Variants in TRPM2 observed in about 807,000 individuals in gnomAD.
TRPM2 encodes transient receptor potential cation channel subfamily M member 2.
A neutral mutation model predicts 174.0 loss-of-function variants in TRPM2; 161 were observed. The observed-to-expected ratio is 0.93, with a 90% confidence interval of 0.81 to 1.05. The LOEUF is 1.05. Among genes scored for constraint, TRPM2 ranks in the 50% least tolerant of loss-of-function variants. The probability of loss-of-function intolerance (pLI) is 0.00; values close to 1 mark genes in which losing one functional copy is unlikely to be tolerated. For missense variants in TRPM2, 2,057 were observed against 2,038.0 expected (o/e 1.01, Z -0.18); for synonymous variants, 954 against 861.3 (o/e 1.11, Z -1.88).
In TRPM2 at chr21:44,394,811, G is replaced by C. The variant is rs1229809210; in HGVS notation, c.1795-603G>C. ...CAGGAAATTTCTAGGATCACTTGAG[G>C]TGTGTTTTGTACAGTATGTGATGTG... On this transcript the variant is annotated intron_variant, in intron 11 of 31. Coordinates refer to ENST00000397928, the MANE Select transcript of TRPM2 (RefSeq NM_003307.4). 4.6e-5 allele frequency among the ~76,000 whole-genome samples: 7 copies of C among 152,304 alleles called. No homozygotes were observed. The East Asian group carries it at 1.3e-3, about 29-fold the overall frequency.
chr21:44,405,539 G>A (rs909804918), intron 17 of TRPM2, among the ~76,000 whole-genome samples: 4 of 152,074 alleles, frequency 2.6e-5, no homozygotes, highest in African/African-American at 7.2e-5. Flanking sequence ...CCAGCTCCAC[G>A]GACACGCGGC....
intron 2 of TRPM2, among the ~76,000 whole-genome samples, chr21:44,360,309 G>A (rs546759144): frequency 1.3e-5 from 2 of 152,196 alleles, no homozygotes; most frequent in African/African-American, 2.4e-5. Context: ...CTGGCGACTC[G>A]GGCAGCTCCT....
intron 19 of TRPM2, among the ~76,000 whole-genome samples, chr21:44,407,450 GTTTTTT>G (rs71197896): frequency 1.2e-5 from 1 of 85,846 alleles, no homozygotes; most frequent in Non-Finnish European, 2.1e-5. Context: ...CATATAGAAG[GTTTTTT>G]TTTTTTTTTT....
chr21:44,413,000 G>A (rs531798575), intron 19 of TRPM2, among the ~76,000 whole-genome samples: 4 of 152,004 alleles, frequency 2.6e-5, no homozygotes, highest in South Asian at 4.1e-4. Context: ...TTCACCTCCC[G>A]GAGTTAACTA....
intron 9 of TRPM2, among the ~76,000 whole-genome samples, chr21:44,386,541 G>C (rs2049021765): frequency 6.6e-6 from 1 of 152,048 alleles, no homozygotes; most frequent in African/African-American, 2.4e-5. Flanking sequence ...AAACCAAGGG[G>C]GTGAAAGACT....
At chr21:44,363,732 A>G (rs2048279974) in intron 2 of TRPM2, among the ~76,000 whole-genome samples, 1 of 152,012 alleles carries the variant, frequency 6.6e-6, no homozygotes, top group African/African-American at 2.4e-5. Context: ...AAAACTAGTG[A>G]TGTTTGATTG....
intron 19 of TRPM2, among the ~76,000 whole-genome samples, chr21:44,413,494 T>C (rs2050174078): frequency 6.6e-6 from 1 of 152,168 alleles, no homozygotes; most frequent in African/African-American, 2.4e-5. Context: ...CCGCCCGCCT[T>C]GGCCTCCCAA....
chr21:44,442,270 G>A lies in TRPM2; in HGVS notation c.*453G>A, dbSNP rs562248521. On this transcript the variant is annotated 3_prime_UTR_variant, in exon 32 of 32. Coordinates refer to ENST00000397928, the MANE Select transcript of TRPM2 (RefSeq NM_003307.4). Reference sequence around the variant, plus strand: ...GAAGGGGCCCTGCCACTCTCCCCAAGAGGGCCTCCATGTTTCGAGGTGCCT... The same window carrying A: ...GAAGGGGCCCTGCCACTCTCCCCAAAAGGGCCTCCATGTTTCGAGGTGCCT... 44 of 155,264 alleles carry A rather than the reference G, an allele frequency of 2.8e-4. No homozygotes were observed. The highest frequency in any genetic ancestry group is 5.7e-4 in the Non-Finnish European group (40 of 70,184). 9.6% of individuals were successfully genotyped at this position (155,264 alleles called of 1,614,324 possible). A position where few individuals can be genotyped will look rare whatever the true frequency, so the allele number is the denominator to read the frequency against.
chr21:44,429,954 G>C (rs1166192268), intron 27 of TRPM2, among the ~76,000 whole-genome samples: 1 of 152,144 alleles, frequency 6.6e-6, no homozygotes, highest in Admixed American at 6.5e-5. Flanking sequence ...GATTAGGAAT[G>C]TTTCTATCTA....
chr21:44,386,452 A>G (rs919042101), intron 9 of TRPM2, among the ~76,000 whole-genome samples: 12 of 152,208 alleles, frequency 7.9e-5, no homozygotes, highest in African/African-American at 2.9e-4. Context: ...ACTAAAAATG[A>G]ATAATCAGAA....
At chr21:44,413,787 G>A (rs1033956270) in intron 19 of TRPM2, 104 bp from the exon 20 acceptor site, 83 of 1,346,592 alleles carry the variant, frequency 6.2e-5, no homozygotes, top group Non-Finnish European at 8.0e-5. Context: ...TCAGGCCTGC[G>A]GGGGACCTGG....
chr21:44,368,356 C>G (rs1377798286), intron 4 of TRPM2, among the ~76,000 whole-genome samples: 2 of 152,128 alleles, frequency 1.3e-5, no homozygotes, highest in East Asian at 3.8e-4. Context: ...ATCTTCCTGC[C>G]TTGGCCTCCC....
At position 44,418,288 on chromosome 21, in the gene TRPM2, G is replaced by C. The variant is rs1194742940; in HGVS notation, c.3329-135G>C. On this transcript the variant is annotated intron_variant, in intron 21 of 31. Transcript: ENST00000397928. ...GGGGCTGAGCCCAGAGGCCCCCTTGGGGGCAGGTGTGCGATGGGCTCTTCC... is the reference window on the plus strand; with the variant it reads ...GGGGCTGAGCCCAGAGGCCCCCTTGCGGGCAGGTGTGCGATGGGCTCTTCC... 7.1e-6 allele frequency: 10 copies of C among 1,398,674 alleles called. No homozygotes were observed. In the African/African-American group the frequency reaches 1.0e-4, roughly 14 times the overall value. The allele number at this position is 1,398,674 out of a possible 1,614,324, so 86.6% of individuals were successfully genotyped here.
chr21:44,363,755 T>C (rs183758470), intron 2 of TRPM2, among the ~76,000 whole-genome samples: 1 of 152,172 alleles, frequency 6.6e-6, no homozygotes, highest in African/African-American at 2.4e-5. Flanking sequence ...ACCTTGATAG[T>C]TTAGATTTTA....
At chr21:44,403,292 G>A (rs1165541197) in intron 16 of TRPM2, among the ~76,000 whole-genome samples, 1 of 152,202 alleles carries the variant, frequency 6.6e-6, no homozygotes, top group African/African-American at 2.4e-5. Flanking sequence ...TGGGGCCTGG[G>A]GCTAGGGAGG....
intron 27 of TRPM2, among the ~76,000 whole-genome samples, chr21:44,434,472 G>A (rs1250008011): frequency 6.6e-6 from 1 of 152,052 alleles, no homozygotes; most frequent in Non-Finnish European, 1.5e-5. Context: ...TTCTGTAGAC[G>A]TGGATGCCGC....
Position 44,391,047 on chromosome 21 carries a change from G to A in TRPM2, c.1440+22G>A, listed in dbSNP as rs369205320. On this transcript the variant is annotated intron_variant, in intron 10 of 31. Transcript: ENST00000397928. This position sits in a 1 kb window ranked among gnomAD's most constrained non-coding sequence, Gnocchi z 5.0. Reference sequence around the variant, plus strand: ...GAAGGTAAGTCTTCCAGAGCACCCCGTGGAGGGGCCTACTGGGCCCACATG... The same window carrying A: ...GAAGGTAAGTCTTCCAGAGCACCCCATGGAGGGGCCTACTGGGCCCACATG... The A allele has an allele frequency of 1.3e-5, 21 of 1,613,400 alleles. No homozygotes were observed. The highest frequency in any genetic ancestry group is 4.5e-5 in the East Asian group (2 of 44,880).
At chr21:44,352,664 C>T (rs2047946485), upstream of TRPM2, among the ~76,000 whole-genome samples, 1 of 152,170 alleles carries the variant, frequency 6.6e-6, no homozygotes, top group African/African-American at 2.4e-5. Flanking sequence ...CTGTGGGTGT[C>T]AGGGACTCAG....
Position 44,353,630 on chromosome 21 carries a change from G to A in TRPM2, c.-71G>A, listed in dbSNP as rs1222742039. On this transcript the variant is annotated 5_prime_UTR_variant, in exon 1 of 32. In the 5' UTR this introduces an upstream ATG that the reference lacks. Coordinates refer to ENST00000397928, the MANE Select transcript of TRPM2 (RefSeq NM_003307.4). ...CACCCCATGTGTCTCTAGAACCCCA[G>A]TGTAGCGAGCTGGAGAGAGGACTGT... is the stretch of plus-strand genomic sequence containing the variant. 7 of 1,389,826 alleles carry A rather than the reference G, an allele frequency of 5.0e-6. No individual in the cohort carries two copies. The highest frequency in any genetic ancestry group is 1.5e-5 in the African/African-American group (1 of 65,722). 86.1% of individuals were successfully genotyped at this position (1,389,826 alleles called of 1,614,324 possible).
Sources: gnomAD v4.1 joint callset for allele counts (sites outside exome capture counted in the v4.1 genomes callset) on GRCh38, gnomAD v4.1.1 for gene constraint, Gnocchi (gnomAD v3.1) non-coding constraint, MANE v1.5 for transcripts, NCBI Gene and HGNC (gene_info 2026-07-23, HGNC 2026-07-21) for gene names.